Variants in SGCZ observed in about 807,000 individuals in gnomAD.
SGCZ encodes the protein sarcoglycan zeta.
SGCZ carries 40 observed loss-of-function variants against 41.3 expected under a neutral mutation model. The ratio of observed to expected loss-of-function variants is 0.97; its 90% CI spans 0.75 to 1.26. The LOEUF (loss-of-function observed/expected upper bound fraction) is 1.26, where lower values mean the gene tolerates loss of function less well. Among genes scored for constraint, SGCZ ranks in the 50% most tolerant of loss-of-function variants. The pLI is 0.00. For synonymous variants in SGCZ, 206 were observed against 137.5 expected (o/e 1.50, Z -3.49); for missense variants, 552 against 369.8 (o/e 1.49, Z -4.04).
intron 1 of SGCZ, among the ~76,000 whole-genome samples, chr8:14,765,287 A>G (rs1443316182): frequency 6.6e-6 from 1 of 152,236 alleles, no homozygotes; most frequent in African/African-American, 2.4e-5. Flanking sequence ...TTTCAATGAT[A>G]GAACTACAAA....
intron 1 of SGCZ, among the ~76,000 whole-genome samples, chr8:14,868,326 C>T (rs1387320166): frequency 3.3e-5 from 5 of 152,132 alleles, no homozygotes; most frequent in East Asian, 3.9e-4. Flanking sequence ...TGTAGCCCAA[C>T]CATTCTAAGC....
chr8:14,742,181 T>A (rs1410269338), intron 1 of SGCZ, among the ~76,000 whole-genome samples: 2 of 151,996 alleles, frequency 1.3e-5, no homozygotes, highest in African/African-American at 4.8e-5. Flanking sequence ...AAACTTGCAA[T>A]TCAAATAAAC....
chr8:14,209,912 A>G (rs911016937), intron 4 of SGCZ, among the ~76,000 whole-genome samples: 2 of 152,142 alleles, frequency 1.3e-5, no homozygotes, highest in African/African-American at 4.8e-5. Context: ...ATTAGTTAAA[A>G]TAATTCATTT....
Position 14,678,784 on chromosome 8 carries a change from T to C in SGCZ, c.40-123858A>G, listed in dbSNP as rs112409306. Among the ~76,000 whole-genome samples the C allele has an allele frequency of 5.3e-5, 8 of 152,336 alleles. No individual in the cohort carries two copies. In the South Asian group the frequency reaches 1.0e-3, roughly 20 times the overall value. On this transcript the variant is annotated intron_variant, in intron 1 of 7. Coordinates refer to ENST00000382080, the MANE Select transcript of SGCZ (RefSeq NM_139167.4). ...TGAAAAAACTTGGAAGCAACCAAGA[T>C]GTTCTTCAGTAGGTGAACAGATAAA...
chr8:14,279,919 T>G (rs1800364442), intron 3 of SGCZ, among the ~76,000 whole-genome samples: 1 of 151,936 alleles, frequency 6.6e-6, no homozygotes, highest in South Asian at 2.1e-4. Context: ...ATTTGTTCAC[T>G]AATATTTTGA....
intron 1 of SGCZ, among the ~76,000 whole-genome samples, chr8:14,581,103 T>A (rs1333939752): frequency 6.6e-6 from 1 of 152,110 alleles, no homozygotes; most frequent in Non-Finnish European, 1.5e-5. Context: ...TTACTAATTT[T>A]TTTTATTTAT....
intron 2 of SGCZ, among the ~76,000 whole-genome samples, chr8:14,362,495 A>C (rs1803560723): frequency 6.6e-6 from 1 of 152,194 alleles, no homozygotes; most frequent in Non-Finnish European, 1.5e-5. Context: ...CGTGGGACCC[A>C]AAAGCCAGGC....
chr8:15,156,996 A>ACTT (rs1799351258), intron 1 of SGCZ, among the ~76,000 whole-genome samples: 1 of 151,960 alleles, frequency 6.6e-6, no homozygotes, highest in Non-Finnish European at 1.5e-5. Flanking sequence ...GAAAGCAAGC[A>ACTT]CTTCTCAAAT....
intron 1 of SGCZ, among the ~76,000 whole-genome samples, chr8:15,081,900 A>T (rs1484876260): frequency 1.3e-5 from 2 of 152,220 alleles, no homozygotes; most frequent in African/African-American, 2.4e-5. Context: ...TTGAACGAGG[A>T]AAAAAGTAAA....
intron 1 of SGCZ, among the ~76,000 whole-genome samples, chr8:14,686,563 T>C (rs761207875): frequency 1.3e-5 from 2 of 151,872 alleles, no homozygotes; most frequent in Non-Finnish European, 2.9e-5. Flanking sequence ...AGGATAGAGA[T>C]GGGAAACAGG....
chr8:14,231,160 AGTGTGTGTGTGTGT>A (rs71209027), intron 4 of SGCZ, among the ~76,000 whole-genome samples: 189 of 112,092 alleles, frequency 1.7e-3, no homozygotes, highest in African/African-American at 6.4e-3. Flanking sequence ...TCTTTGGGCA[AGTGTGTGTGTGTGT>A]GTGTGTGTGT....
At chr8:15,047,903 A>T (rs1228053680) in intron 1 of SGCZ, among the ~76,000 whole-genome samples, 2 of 152,086 alleles carry the variant, frequency 1.3e-5, no homozygotes, top group Non-Finnish European at 2.9e-5. Context: ...AAACTAGCAC[A>T]GCCTCTATGG....
At chr8:14,624,488 T>C (rs1424504196) in intron 1 of SGCZ, among the ~76,000 whole-genome samples, 1 of 150,862 alleles carries the variant, frequency 6.6e-6, no homozygotes, top group East Asian at 2.0e-4. Flanking sequence ...ATTTTTTCTA[T>C]GCATGTCCAT....
chr8:14,611,760 A>G (rs2117341591), intron 1 of SGCZ, among the ~76,000 whole-genome samples: 1 of 152,310 alleles, frequency 6.6e-6, no homozygotes, highest in South Asian at 2.1e-4. Context: ...AAAAGACTGG[A>G]AACAATACAA....
intron 1 of SGCZ, among the ~76,000 whole-genome samples, chr8:14,956,717 C>T (rs555811925): frequency 1.9e-4 from 29 of 152,274 alleles, no homozygotes; most frequent in African/African-American, 6.5e-4. Flanking sequence ...ACTAAATTCA[C>T]ATTTCCTTGA....
At chr8:15,005,434 C>G (rs373020096) in intron 1 of SGCZ, among the ~76,000 whole-genome samples, 2 of 149,052 alleles carry the variant, frequency 1.3e-5, no homozygotes, top group East Asian at 4.1e-4. Flanking sequence ...TGGGTTCGAG[C>G]GATTCTCCTG....
At chr8:15,042,345 C>G (rs1455588651) in intron 1 of SGCZ, among the ~76,000 whole-genome samples, 1 of 152,146 alleles carries the variant, frequency 6.6e-6, no homozygotes, top group African/African-American at 2.4e-5. Flanking sequence ...CTCCCTGTCT[C>G]TCTCCATCTT....
intron 2 of SGCZ, among the ~76,000 whole-genome samples, chr8:14,425,620 C>CAAAAAG (rs953586201): frequency 3.7e-5 from 5 of 134,996 alleles, no homozygotes; most frequent in South Asian, 2.4e-4. Flanking sequence ...GAATCCCTCT[C>CAAAAAG]AAAAAGAAAA....
intron 2 of SGCZ, among the ~76,000 whole-genome samples, chr8:14,478,985 T>A (rs576366605): frequency 3.9e-5 from 6 of 152,296 alleles, no homozygotes; most frequent in Middle Eastern, 3.4e-3. Flanking sequence ...TGCCCACCCC[T>A]CTAACTGTGA....
Sources: allele counts gnomAD v4.1 joint callset (sites outside exome capture counted in the v4.1 genomes callset), GRCh38; gene constraint gnomAD v4.1.1; transcripts MANE v1.5; gene names NCBI Gene and HGNC (gene_info 2026-07-23, HGNC 2026-07-21).